Variants in CA10 observed in about 807,000 individuals in gnomAD.
The protein encoded by CA10 is carbonic anhydrase-related protein 10.
CA10 carries 14 observed loss-of-function variants against 44.2 expected under a neutral mutation model. That is an observed-to-expected ratio of 0.32 (90% confidence interval 0.21 to 0.50). The LOEUF (loss-of-function observed/expected upper bound fraction) is 0.50. Ranked by LOEUF, CA10 falls within the 20% of genes least tolerant of loss-of-function variation. The pLI is 0.99. For synonymous variants in CA10, 159 were observed against 141.6 expected (o/e 1.12, Z -0.87); for missense variants, 350 against 409.7 (o/e 0.85, Z 1.26).
intron 4 of CA10, among the ~76,000 whole-genome samples, chr17:51,742,002 T>C (rs1904480758): frequency 6.6e-6 from 1 of 152,194 alleles, no homozygotes; most frequent in Admixed American, 6.5e-5. Context: ...ATAGCATCCT[T>C]TAAAAATGTA....
chr17:51,877,350 C>T (rs1279104156), intron 3 of CA10, among the ~76,000 whole-genome samples: 1 of 152,198 alleles, frequency 6.6e-6, no homozygotes, highest in Non-Finnish European at 1.5e-5. Context: ...AATCAAATTA[C>T]TATGTGATAG....
intron 2 of CA10, among the ~76,000 whole-genome samples, chr17:51,960,420 C>A (rs1188828821): frequency 6.6e-6 from 1 of 151,514 alleles, no homozygotes; most frequent in South Asian, 2.1e-4. Flanking sequence ...CACCCCCCAC[C>A]ACCAAAAAAA....
At chr17:52,081,244 A>G (rs1186876869) in intron 1 of CA10, among the ~76,000 whole-genome samples, 1 of 152,082 alleles carries the variant, frequency 6.6e-6, no homozygotes, top group Middle Eastern at 3.2e-3. Flanking sequence ...AAATTATGAC[A>G]CTTAATCAGA....
intron 3 of CA10, among the ~76,000 whole-genome samples, chr17:51,776,115 G>T (rs1905808553): frequency 6.6e-6 from 1 of 152,110 alleles, no homozygotes; most frequent in South Asian, 2.1e-4. Flanking sequence ...TGTAAAGAAT[G>T]GATTAGAGCT....
intron 2 of CA10, among the ~76,000 whole-genome samples, chr17:51,974,212 C>T (rs961743219): frequency 2.6e-5 from 4 of 151,584 alleles, no homozygotes; most frequent in Admixed American, 6.6e-5. Context: ...GGTGAAACTC[C>T]GTCTCTACTA....
chr17:52,094,569 T>C (rs888564455), intron 1 of CA10, among the ~76,000 whole-genome samples: 1 of 152,186 alleles, frequency 6.6e-6, no homozygotes, highest in Non-Finnish European at 1.5e-5. Context: ...TTATTGAATT[T>C]AGAATATACT....
chr17:52,078,407 G>T (rs536265285), intron 1 of CA10, among the ~76,000 whole-genome samples: 7 of 152,274 alleles, frequency 4.6e-5, no homozygotes, highest in Admixed American at 6.5e-5. Flanking sequence ...TCCAAGCCCT[G>T]GGTCAGTACA....
chr17:51,856,730 G>A (rs1055514061), intron 3 of CA10, among the ~76,000 whole-genome samples: 3 of 152,286 alleles, frequency 2.0e-5, no homozygotes, highest in South Asian at 2.1e-4. Context: ...CTTGTGCAGA[G>A]TCCTAGGATG....
chr17:51,888,591 T>TG (rs1980717310), intron 3 of CA10, among the ~76,000 whole-genome samples: 2 of 152,218 alleles, frequency 1.3e-5, no homozygotes, highest in African/African-American at 2.4e-5. Flanking sequence ...TTCTATCCCT[T>TG]GTGTCTCTTG....
chr17:51,669,503 G>A (rs764678022), intron 4 of CA10, among the ~76,000 whole-genome samples: 1 of 152,162 alleles, frequency 6.6e-6, no homozygotes, highest in Non-Finnish European at 1.5e-5. Flanking sequence ...CACTGTGGAA[G>A]CTTTGTTCTT....
chr17:51,790,220 C>T (rs555029903), intron 3 of CA10, among the ~76,000 whole-genome samples: 52 of 152,268 alleles, frequency 3.4e-4, no homozygotes, highest in Admixed American at 6.5e-4. Flanking sequence ...TTTGCTGGAG[C>T]CCGAGCCTCT....
At chr17:52,126,104 T>C (rs748759778) in intron 1 of CA10, among the ~76,000 whole-genome samples, 3 of 152,196 alleles carry the variant, frequency 2.0e-5, no homozygotes, top group Non-Finnish European at 4.4e-5. Flanking sequence ...CAATGTAATA[T>C]ATACTAGTGG....
At position 52,111,030 on chromosome 17, in the gene CA10, T is replaced by C. The variant is rs140381117; in HGVS notation, c.62-38637A>G. On this transcript the variant is annotated intron_variant, in intron 1 of 8. Coordinates refer to ENST00000451037, the MANE Select transcript of CA10 (RefSeq NM_020178.5). ...GGACTCAATAAATAGTTGAACTAAA[T>C]TGAAGAATCTAAATTGCATAGACTG... 3.7e-3 allele frequency among the ~76,000 whole-genome samples: 566 copies of C among 152,278 alleles called. 4 individuals are homozygous for C. The highest frequency in any genetic ancestry group is 0.029 in the South Asian group (139 of 4,822).
intron 1 of CA10, among the ~76,000 whole-genome samples, chr17:52,117,686 T>C (rs1988928081): frequency 6.6e-6 from 1 of 152,218 alleles, no homozygotes; most frequent in Non-Finnish European, 1.5e-5. Context: ...TACATTACAG[T>C]TAAAAATTCC....
intron 1 of CA10, among the ~76,000 whole-genome samples, chr17:52,103,354 G>A (rs919794126): frequency 2.6e-4 from 39 of 152,158 alleles, no homozygotes; most frequent in African/African-American, 8.2e-4. Context: ...TCTCCCAGTC[G>A]TCCACAGCAC....
intron 3 of CA10, among the ~76,000 whole-genome samples, chr17:51,765,691 C>CTGTGTGTGTGTGTGTG (rs61631215): frequency 2.0e-4 from 28 of 140,376 alleles, no homozygotes; most frequent in East Asian, 4.4e-4. Flanking sequence ...AGGCAGCTCC[C>CTGTGTGTGTGTGTGTG]TGTGTGTGTG....
intron 1 of CA10, among the ~76,000 whole-genome samples, chr17:52,115,267 G>A (rs1226646309): frequency 2.6e-5 from 4 of 152,174 alleles, no homozygotes; most frequent in African/African-American, 7.2e-5. Flanking sequence ...ACCCTTCAAT[G>A]TGTCTGTGTG....
At chr17:52,025,191 A>G (rs1817024471) in intron 2 of CA10, among the ~76,000 whole-genome samples, 1 of 152,118 alleles carries the variant, frequency 6.6e-6, no homozygotes, top group Non-Finnish European at 1.5e-5. Context: ...TTTCTACTGT[A>G]AAGTGGTCAT....
chr17:51,751,831 C>T (rs1904901553), intron 3 of CA10, among the ~76,000 whole-genome samples: 1 of 152,186 alleles, frequency 6.6e-6, no homozygotes, highest in Non-Finnish European at 1.5e-5. Context: ...GATCTCACTT[C>T]CAGACCCCTT....
Sources: allele counts gnomAD v4.1 joint callset (sites outside exome capture counted in the v4.1 genomes callset), GRCh38; gene constraint gnomAD v4.1.1; transcripts MANE v1.5; gene names NCBI Gene and HGNC (gene_info 2026-07-23, HGNC 2026-07-21).